The following CACNA2D3 variants were observed in gnomAD, a reference collection of about 807,000 sequenced individuals.
CACNA2D3 encodes voltage-dependent calcium channel subunit alpha-2/delta-3.
A neutral mutation model predicts 160.6 loss-of-function variants in CACNA2D3; 60 were observed. That is an observed-to-expected ratio of 0.37 (90% CI 0.30 to 0.46). The LOEUF is 0.46. Among genes scored for constraint, CACNA2D3 ranks in the 20% least tolerant of loss-of-function variants. The pLI is 1.00. For missense variants in CACNA2D3, 1,205 were observed against 1,365.0 expected (o/e 0.88, Z 1.85); for synonymous variants, 558 against 492.9 (o/e 1.13, Z -1.75).
chr3:54,518,247 G>A (rs912680104), intron 5 of CACNA2D3, among the ~76,000 whole-genome samples: 1 of 152,334 alleles, frequency 6.6e-6, no homozygotes, highest in African/African-American at 2.4e-5. Context: ...GACTGGACAA[G>A]TTAGCCAACT....
intron 11 of CACNA2D3, among the ~76,000 whole-genome samples, chr3:54,654,510 T>C (rs1171055222): frequency 6.6e-6 from 1 of 152,022 alleles, no homozygotes; most frequent in Non-Finnish European, 1.5e-5. Flanking sequence ...TTCTTGGAAG[T>C]AGCAACTGCA....
intron 18 of CACNA2D3, among the ~76,000 whole-genome samples, chr3:54,872,797 A>C (rs1331034930): frequency 1.3e-5 from 2 of 152,174 alleles, no homozygotes; most frequent in African/African-American, 4.8e-5. Context: ...ATTTGATAAA[A>C]GCTCCTTCCT....
intron 12 of CACNA2D3, among the ~76,000 whole-genome samples, chr3:54,759,432 A>G (rs559269821): frequency 4.6e-5 from 7 of 151,576 alleles, no homozygotes; most frequent in African/African-American, 1.7e-4. Context: ...GTGATTTCCT[A>G]TTATCCATCA....
chr3:55,057,756 C>T (rs1704400536), intron 35 of CACNA2D3, among the ~76,000 whole-genome samples: 1 of 152,170 alleles, frequency 6.6e-6, no homozygotes, highest in African/African-American at 2.4e-5. Flanking sequence ...TTATCTCCCA[C>T]CTCCATTTTT....
At chr3:54,490,945 G>C (rs1701099500) in intron 4 of CACNA2D3, among the ~76,000 whole-genome samples, 1 of 152,114 alleles carries the variant, frequency 6.6e-6, no homozygotes, top group Non-Finnish European at 1.5e-5. Flanking sequence ...GATAGGAGCT[G>C]GGCATACAAC....
chr3:54,155,368 T>C (rs1700228273), intron 2 of CACNA2D3, among the ~76,000 whole-genome samples: 1 of 152,142 alleles, frequency 6.6e-6, no homozygotes, highest in Admixed American at 6.5e-5. Context: ...CATCACCACA[T>C]CATACAGCTT....
intron 27 of CACNA2D3, among the ~76,000 whole-genome samples, chr3:54,966,592 G>A (rs1702156927): frequency 6.6e-6 from 1 of 152,164 alleles, no homozygotes; most frequent in Admixed American, 6.5e-5. Context: ...GTTGAGGCAG[G>A]CAGGTCACTT....
chr3:54,490,981 C>T (rs1317672354), intron 4 of CACNA2D3, among the ~76,000 whole-genome samples: 4 of 152,152 alleles, frequency 2.6e-5, no homozygotes, highest in African/African-American at 7.2e-5. Flanking sequence ...AGTTACTCCA[C>T]GTTACAGATG....
intron 5 of CACNA2D3, among the ~76,000 whole-genome samples, chr3:54,548,761 C>T (rs1312698203): frequency 6.6e-6 from 1 of 152,220 alleles, no homozygotes; most frequent in Non-Finnish European, 1.5e-5. Context: ...GTGGGCAGGA[C>T]TTGCAAGTGC....
chr3:54,439,512 A>G (rs1016673503), intron 4 of CACNA2D3, among the ~76,000 whole-genome samples: 1 of 152,178 alleles, frequency 6.6e-6, no homozygotes, highest in Admixed American at 6.5e-5. Flanking sequence ...CTGCTGTGCC[A>G]GAAAGTGACT....
intron 2 of CACNA2D3, among the ~76,000 whole-genome samples, chr3:54,256,966 G>T (rs1332811715): frequency 6.6e-6 from 1 of 152,156 alleles, no homozygotes; most frequent in Non-Finnish European, 1.5e-5. Flanking sequence ...TCTGCGTTTG[G>T]CCCTTCCTTC....
chr3:54,439,668 C>G (rs968084064), intron 4 of CACNA2D3, among the ~76,000 whole-genome samples: 1 of 152,110 alleles, frequency 6.6e-6, no homozygotes, highest in African/African-American at 2.4e-5. Flanking sequence ...GTTCAAGAAG[C>G]CATGGCCAGG....
intron 4 of CACNA2D3, among the ~76,000 whole-genome samples, chr3:54,439,308 GGTGTGT>G (rs71994824): frequency 8.3e-6 from 1 of 120,630 alleles, no homozygotes; most frequent in Non-Finnish European, 1.9e-5. Context: ...CATAAAGGAG[GGTGTGT>G]GTGTGTGTGT....
intron 2 of CACNA2D3, among the ~76,000 whole-genome samples, chr3:54,179,687 G>A (rs564765466): frequency 6.6e-6 from 1 of 152,302 alleles, no homozygotes; most frequent in African/African-American, 2.4e-5. Context: ...GCCTTTGGGA[G>A]CTAATTAGGT....
intron 2 of CACNA2D3, among the ~76,000 whole-genome samples, chr3:54,299,924 T>TA (rs1272565512): frequency 6.6e-6 from 1 of 152,226 alleles, no homozygotes; most frequent in Admixed American, 6.5e-5. Flanking sequence ...GTGAAAACCT[T>TA]ATGGCTGATG....
chr3:54,131,605 C>G (rs758376091), intron 2 of CACNA2D3, among the ~76,000 whole-genome samples: 2 of 152,186 alleles, frequency 1.3e-5, no homozygotes, highest in African/African-American at 2.4e-5. Flanking sequence ...TTATACTGTC[C>G]CACTTCATTA....
intron 26 of CACNA2D3, 52 bp from the exon 27 acceptor site, chr3:54,899,736 G>A (rs41277455): frequency 0.11 from 140,088 of 1,268,610 alleles, 8,136 homozygotes; most frequent in Middle Eastern, 0.18. Flanking sequence ...CTCTCTTAAC[G>A]TGTACACTGT....
At chr3:54,614,871 CA>C (rs1274537771) in intron 9 of CACNA2D3, among the ~76,000 whole-genome samples, 1 of 152,056 alleles carries the variant, frequency 6.6e-6, no homozygotes, top group African/African-American at 2.4e-5. Context: ...AAAAAACACA[CA>C]AAAATCATCA....
intron 27 of CACNA2D3, among the ~76,000 whole-genome samples, chr3:54,950,504 A>G (rs1365263601): frequency 6.6e-6 from 1 of 152,202 alleles, no homozygotes; most frequent in Non-Finnish European, 1.5e-5. Flanking sequence ...ATTATAATTA[A>G]GATGCTTTGT....
Sources: gnomAD v4.1 joint callset for allele counts (sites outside exome capture counted in the v4.1 genomes callset) on GRCh38, gnomAD v4.1.1 for gene constraint, MANE v1.5 for transcripts, NCBI Gene and HGNC (gene_info 2026-07-23, HGNC 2026-07-21) for gene names.